The following TENM1 variants were observed in gnomAD, a reference collection of about 807,000 sequenced individuals.
TENM1 encodes the protein teneurin-1.
In TENM1, 35 loss-of-function variants were observed where a neutral mutation model predicts 174.8. That is an observed-to-expected ratio of 0.20 (90% CI 0.15 to 0.27). The LOEUF is 0.27. TENM1 is among the 10% of genes least tolerant of loss of function. The probability of loss-of-function intolerance (pLI) is 1.00; values close to 1 mark genes in which losing one functional copy is unlikely to be tolerated. For synonymous variants in TENM1, 781 were observed against 798.7 expected (o/e 0.98, Z 0.37); for missense variants, 1,633 against 2,130.1 (o/e 0.77, Z 4.59).
intron 20 of TENM1, among the ~76,000 whole-genome samples, chrX:124,496,506 G>C (rs1350308246): frequency 9.0e-6 from 1 of 111,670 alleles, no homozygotes; most frequent in East Asian, 2.8e-4. Flanking sequence ...AATTATCATG[G>C]GGTAGGGCTT....
At chrX:124,561,501 A>G (rs1332743901) in intron 14 of TENM1, among the ~76,000 whole-genome samples, 170 bp downstream of exon 17, 2 of 111,922 alleles carry the variant, frequency 1.8e-5, no homozygotes, top group Non-Finnish European at 3.8e-5. Flanking sequence ...GTAATATTCA[A>G]TAAGTAATGT....
chrX:124,894,672 C>T (rs1319508578), intron 2 of TENM1, among the ~76,000 whole-genome samples: 1 of 110,848 alleles, frequency 9.0e-6, no homozygotes, highest in Non-Finnish European at 1.9e-5. Context: ...ATGTTTCAAC[C>T]CAGTGAATAT....
At chrX:124,419,960 T>A (rs1358630575) in intron 25 of TENM1, among the ~76,000 whole-genome samples, 1 of 112,170 alleles carries the variant, frequency 8.9e-6, no homozygotes, top group African/African-American at 3.2e-5. Flanking sequence ...CTTTGCTGCT[T>A]TAGAACTACA....
At chrX:125,178,827 C>T in the TENM1 span, among the ~76,000 whole-genome samples, 1 of 110,971 alleles carries the variant, frequency 9.0e-6, no homozygotes, top group Non-Finnish European at 1.9e-5. Context: ...CTCAATCTAG[C>T]CTGGCATGGT....
intron 25 of TENM1, among the ~76,000 whole-genome samples, chrX:124,415,509 G>C: frequency 9.0e-6 from 1 of 111,489 alleles, no homozygotes; most frequent in Non-Finnish European, 1.9e-5. Context: ...GGTCACTCTC[G>C]TAAGCCCACA....
chrX:125,155,542 G>A, the TENM1 span, among the ~76,000 whole-genome samples: 1 of 109,619 alleles, frequency 9.1e-6, no homozygotes, highest in Non-Finnish European at 1.9e-5. Context: ...GGGGAGACTC[G>A]GGCTGCACAG....
the TENM1 span, among the ~76,000 whole-genome samples, chrX:125,092,605 T>C: frequency 8.0e-5 from 9 of 111,807 alleles, no homozygotes; most frequent in Non-Finnish European, 1.3e-4. Context: ...CTTAATTCTA[T>C]GGTCTAATGT....
chrX:125,051,191 A>G, the TENM1 span, among the ~76,000 whole-genome samples: 2 of 111,733 alleles, frequency 1.8e-5, no homozygotes, highest in South Asian at 7.6e-4. Flanking sequence ...TCAAGGAAAT[A>G]AAAGAGGATA....
exon 1 of TENM1, chrX:124,963,731 G>T: frequency 8.3e-7 from 1 of 1,211,057 alleles, no homozygotes; most frequent in Non-Finnish European, 1.1e-6. Flanking sequence ...AGGCTGGTAG[G>T]GTTTGCAGTC....
intron 11 of TENM1, among the ~76,000 whole-genome samples, chrX:124,571,763 G>A (rs1308443100): frequency 9.0e-6 from 1 of 111,200 alleles, no homozygotes. Flanking sequence ...GAAAACCTGA[G>A]TACACATTAA....
chrX:124,782,071 T>C (rs2054925756), intron 3 of TENM1, among the ~76,000 whole-genome samples: 1 of 111,140 alleles, frequency 9.0e-6, no homozygotes, highest in African/African-American at 3.3e-5. Flanking sequence ...TCCTCTAGCT[T>C]GATGTAGACA....
chrX:124,730,891 T>C (rs1377830219), intron 4 of TENM1, among the ~76,000 whole-genome samples: 3 of 111,624 alleles, frequency 2.7e-5, no homozygotes, highest in Non-Finnish European at 5.6e-5. Context: ...AAGAGCTTGC[T>C]GAAGTAAAGT....
chrX:124,958,872 G>T (rs756182313), intron 1 of TENM1, among the ~76,000 whole-genome samples: 2 of 111,366 alleles, frequency 1.8e-5, no homozygotes, highest in South Asian at 3.8e-4. Flanking sequence ...TGGTGATGAT[G>T]ATGAAGTCAA....
chrX:125,076,181 C>A, the TENM1 span, among the ~76,000 whole-genome samples: 1 of 111,687 alleles, frequency 9.0e-6, no homozygotes, highest in Non-Finnish European at 1.9e-5. Flanking sequence ...AGCTTCATCA[C>A]ATTGTAAAGT....
chrX:124,879,861 T>C (rs1289675552), intron 3 of TENM1, among the ~76,000 whole-genome samples: 2 of 111,825 alleles, frequency 1.8e-5, no homozygotes, highest in Non-Finnish European at 3.8e-5. Context: ...TACCTGATGA[T>C]ATGTGGATTT....
chrX:125,099,194 G>A, the TENM1 span, among the ~76,000 whole-genome samples: 6 of 111,881 alleles, frequency 5.4e-5, no homozygotes, highest in Admixed American at 4.7e-4. Flanking sequence ...AGGAATGGGG[G>A]AGGTTTTTGC....
chrX:124,522,477 A>T (rs1602591608), intron 17 of TENM1, among the ~76,000 whole-genome samples: 2 of 111,104 alleles, frequency 1.8e-5, no homozygotes, highest in African/African-American at 6.5e-5. Flanking sequence ...TCAATAAAGA[A>T]TAATTCTCAG....
chrX:125,077,146 G>A, the TENM1 span, among the ~76,000 whole-genome samples: 3 of 110,517 alleles, frequency 2.7e-5, no homozygotes, highest in Non-Finnish European at 3.8e-5. Context: ...TAAAATAATC[G>A]GAAGGAACTG....
rs539162817 is a variant in TENM1, at chrX:124,854,403, A to G, written c.535+39893T>C. Reference sequence around the variant, plus strand: ...ATAAAAGACATTGGGTACAGGGTACACTGCTCAGGTGACAGGTGCACCAAA... The same window carrying G: ...ATAAAAGACATTGGGTACAGGGTACGCTGCTCAGGTGACAGGTGCACCAAA... On this transcript the variant is annotated intron_variant, in intron 3 of 31. Coordinates refer to ENST00000422452, the Ensembl canonical transcript of TENM1. Among the ~76,000 whole-genome samples the G allele has an allele frequency of 4.3e-4, 48 of 111,342 alleles. No individual in the cohort carries two copies. The South Asian group carries it at 0.018, about 41-fold the overall frequency.
Sources: allele counts gnomAD v4.1 joint callset (sites outside exome capture counted in the v4.1 genomes callset), GRCh38; gene constraint gnomAD v4.1.1; transcripts MANE v1.5; gene names NCBI Gene and HGNC (gene_info 2026-07-23, HGNC 2026-07-21).